Variants in ABL1 observed in about 807,000 individuals in gnomAD.
The protein encoded by ABL1 is tyrosine-protein kinase ABL1.
In ABL1, 11 loss-of-function variants were observed where a neutral mutation model predicts 94.7. The ratio of observed to expected loss-of-function variants is 0.12; its 90% CI spans 0.07 to 0.19. The LOEUF is 0.19. Ranked by LOEUF, ABL1 falls within the 10% of genes least tolerant of loss-of-function variation. ABL1 has a pLI of 1.00. For missense variants in ABL1, 1,082 were observed against 1,489.4 expected (o/e 0.73, Z 4.50); for synonymous variants, 656 against 622.4 (o/e 1.05, Z -0.80).
At chr9:130,827,416 C>T (rs1029760075) in intron 1 of ABL1, among the ~76,000 whole-genome samples, 4 of 152,166 alleles carry the variant, frequency 2.6e-5, no homozygotes, top group Admixed American at 6.5e-5. Context: ...GCCCCTTCCA[C>T]GCATACAAAA....
chr9:130,752,408 C>A (rs1463382784), intron 1 of ABL1, among the ~76,000 whole-genome samples: 1 of 152,152 alleles, frequency 6.6e-6, no homozygotes, highest in Admixed American at 6.6e-5. Flanking sequence ...TCTATAATAT[C>A]TTTGGCTTGG....
intron 1 of ABL1, among the ~76,000 whole-genome samples, chr9:130,769,610 A>T (rs1471240973): frequency 6.6e-6 from 1 of 152,068 alleles, no homozygotes; most frequent in Non-Finnish European, 1.5e-5. Flanking sequence ...AGGTGCTGGG[A>T]TTACAGGTGT....
chr9:130,859,131 A>G (rs1182189816), intron 3 of ABL1, among the ~76,000 whole-genome samples: 2 of 152,054 alleles, frequency 1.3e-5, no homozygotes, highest in African/African-American at 2.4e-5. Context: ...TTGAAGATTG[A>G]TTTTTCTTCA....
Position 130,817,850 on chromosome 9 carries a change from A to T in ABL1, c.137-36214A>T, listed in dbSNP as rs1830309168. The stretch of plus-strand genomic sequence containing the variant: ...TATTGATCCATCCATCCACTGAAGG[A>T]TATTTGAGTTGTTTCCAGTTTTTTT... On this transcript the variant is annotated intron_variant, in intron 1 of 10. Transcript: ENST00000372348. Among the ~76,000 whole-genome samples, 4 of 152,094 alleles carry T rather than the reference A, an allele frequency of 2.6e-5. No individual in the cohort carries two copies. The South Asian group carries it at 8.3e-4, about 32-fold the overall frequency.
chr9:130,755,319 T>C (rs1832028918), intron 1 of ABL1, among the ~76,000 whole-genome samples: 1 of 152,098 alleles, frequency 6.6e-6, no homozygotes, highest in Non-Finnish European at 1.5e-5. Context: ...GTAAAAATGA[T>C]TCCATGACTG....
In ABL1 at chr9:130,802,095, C is replaced by CTTTTTTT. The variant is rs3085157; in HGVS notation, c.137-51960_137-51954dup. 7.8e-3 allele frequency among the ~76,000 whole-genome samples: 1,027 copies of CTTTTTTT among 132,020 alleles called. 50 individuals carry two copies. Among genetic ancestry groups the CTTTTTTT allele is most frequent in the African/African-American group, 0.029 (983 of 33,754 alleles). 86.6% of individuals were successfully genotyped at this position (132,020 alleles called of 152,430 possible). On this transcript the variant is annotated intron_variant, in intron 1 of 10. Coordinates refer to the ABL1 transcript ENST00000372348. ...AGTCTGTTCATTTTTTTCCTTCAGT[C>CTTTTTTT]TTTTTTTTTTTTTTTGAAATGGTCT...
intron 1 of ABL1, among the ~76,000 whole-genome samples, chr9:130,771,578 C>T (rs1832251271): frequency 6.6e-6 from 1 of 152,020 alleles, no homozygotes; most frequent in African/African-American, 2.4e-5. Context: ...AAAAATACAT[C>T]TGTAAGGAAA....
At chr9:130,815,378 G>A (rs989780892) in intron 1 of ABL1, among the ~76,000 whole-genome samples, 1 of 152,126 alleles carries the variant, frequency 6.6e-6, no homozygotes, top group South Asian at 2.1e-4. Context: ...CTTGTCCCCA[G>A]ATCTGATATA....
chr9:130,780,395 A>T (rs1303042369), intron 1 of ABL1, among the ~76,000 whole-genome samples: 1 of 152,184 alleles, frequency 6.6e-6, no homozygotes, highest in Admixed American at 6.5e-5. Flanking sequence ...GAACCAGGTG[A>T]TGCTGAGGTT....
At position 130,722,037 on chromosome 9, in the gene ABL1, C is replaced by T. The variant is rs866816832; in HGVS notation, c.136+7582C>T. On this transcript the variant is annotated intron_variant, in intron 1 of 10. Coordinates refer to the ABL1 transcript ENST00000372348. ...GACCTCATGATCTACCTGGCTCGAC[C>T]TCCCAAAGTGCTGGGATTTCAGGCG... 1.3e-4 allele frequency among the ~76,000 whole-genome samples: 19 copies of T among 151,778 alleles called. No individual in the cohort carries two copies. In the Middle Eastern group the frequency reaches 0.01, roughly 82 times the overall value.
chr9:130,836,578 C>G (rs529798371), intron 1 of ABL1, among the ~76,000 whole-genome samples: 1 of 152,032 alleles, frequency 6.6e-6, no homozygotes, highest in East Asian at 1.9e-4. Context: ...AATCCCAACA[C>G]TTTGGGAGGC....
chr9:130,794,129 A>T (rs1829944390), intron 1 of ABL1, among the ~76,000 whole-genome samples: 1 of 151,940 alleles, frequency 6.6e-6, no homozygotes, highest in African/African-American at 2.4e-5. Context: ...TCCCAGAACC[A>T]CCCCTCAGTG....
intron 10 of ABL1, among the ~76,000 whole-genome samples, chr9:130,883,511 C>A (rs1372449352): frequency 2.1e-4 from 30 of 146,104 alleles, no homozygotes; most frequent in African/African-American, 5.7e-4. Context: ...AAAAAAAAAA[C>A]CACACACACG....
At chr9:130,819,601 C>T (rs550820547) in intron 1 of ABL1, among the ~76,000 whole-genome samples, 18 of 141,558 alleles carry the variant, frequency 1.3e-4, no homozygotes, top group Non-Finnish European at 2.1e-4. Flanking sequence ...TGCAGTGGCA[C>T]GATCTGAGCT....
At chr9:130,735,106 C>T (rs2791727) in intron 1 of ABL1, among the ~76,000 whole-genome samples, 29,208 of 151,750 alleles carry the variant, frequency 0.19, 3,462 homozygotes, top group Middle Eastern at 0.39. Context: ...CTTGGCTTAC[C>T]GCAACCTCCG....
chr9:130,791,064 A>C (rs1017847912), intron 1 of ABL1, among the ~76,000 whole-genome samples: 5 of 152,248 alleles, frequency 3.3e-5, no homozygotes, highest in Non-Finnish European at 7.3e-5. Flanking sequence ...CCAAAGCGGC[A>C]AAGAAGGAAA....
intron 1 of ABL1, among the ~76,000 whole-genome samples, chr9:130,721,418 T>C (rs964015893): frequency 6.7e-6 from 1 of 150,188 alleles, no homozygotes; most frequent in African/African-American, 2.5e-5. Context: ...ACTCTTAAAA[T>C]TATACTAAGG....
chr9:130,735,961 A>ATATATATATATATATATAT (rs573602038), intron 1 of ABL1, among the ~76,000 whole-genome samples: 1 of 94,886 alleles, frequency 1.1e-5, no homozygotes, highest in African/African-American at 6.4e-5. Context: ...ATATATATAT[A>ATATATATATATATATATAT]TTTTTTTTTT....
chr9:130,729,379 C>T (rs925885676), intron 1 of ABL1, among the ~76,000 whole-genome samples: 2 of 152,212 alleles, frequency 1.3e-5, no homozygotes, highest in East Asian at 3.8e-4. Flanking sequence ...TGTCACCCCA[C>T]CCATGCCCTC....
Sources: allele counts gnomAD v4.1 joint callset (sites outside exome capture counted in the v4.1 genomes callset), GRCh38; gene constraint gnomAD v4.1.1; transcripts MANE v1.5; gene names NCBI Gene and HGNC (gene_info 2026-07-23, HGNC 2026-07-21).